Variants in CLCA4 observed in about 807,000 individuals in gnomAD.
CLCA4 encodes calcium-activated chloride channel regulator 4.
CLCA4 carries 69 observed loss-of-function variants against 78.9 expected under a neutral mutation model. That is an observed-to-expected ratio of 0.87 (90% CI 0.72 to 1.07). The LOEUF is 1.07. Ranked by LOEUF, CLCA4 falls within the 50% of genes least tolerant of loss-of-function variation. The probability of loss-of-function intolerance (pLI) is 0.00; values close to 1 mark genes in which losing one functional copy is unlikely to be tolerated. For synonymous variants in CLCA4, 362 were observed against 375.8 expected (o/e 0.96, Z 0.42); for missense variants, 1,133 against 1,095.8 (o/e 1.03, Z -0.48).
intron 1 of CLCA4, chr1:86,552,914 G>C: frequency 1.5e-6 from 1 of 670,060 alleles, no homozygotes; most frequent in Admixed American, 2.2e-5. Context: ...TCTCCCAGAC[G>C]CTCCTCCCTC....
At position 86,565,784 on chromosome 1, in the gene CLCA4, A is replaced by G. The variant is rs1417402928; in HGVS notation, c.736-18A>G. On this transcript the variant is annotated intron_variant, in intron 5 of 13. Coordinates refer to ENST00000370563, the MANE Select transcript of CLCA4 (RefSeq NM_012128.4). ...GCATGGTATATTAAAATTATTTTTT[A>G]TTTTATTAACCTTTTAGGTTGTTGA... 1.4e-6 allele frequency: 2 copies of G among 1,384,180 alleles called. No individual in the cohort carries two copies. Among genetic ancestry groups the G allele is most frequent in the African/African-American group, 3.0e-5 (2 of 67,454 alleles). The allele number at this position is 1,384,180 out of a possible 1,614,324, so 85.7% of individuals were successfully genotyped here.
At chr1:86,564,117 A>T (rs2101802729) in intron 4 of CLCA4, among the ~76,000 whole-genome samples, 1 of 152,236 alleles carries the variant, frequency 6.6e-6, no homozygotes, top group South Asian at 2.1e-4. Context: ...AGTAGTGCTA[A>T]ATGTGGACTG....
rs1214411782 is a variant in CLCA4 at position 86,574,685 on chromosome 1, C to T, written c.1613C>T (p.Thr538Ile). Residue 538 changes from threonine to isoleucine, a missense_variant, in exon 10 of 14, where the codon ACA (threonine) becomes ATA (isoleucine). Coordinates refer to ENST00000370563, the MANE Select transcript of CLCA4 (RefSeq NM_012128.4). ...ATTTCTCTCTGGGATCCCAGTGGAA[C>T]AATAATGGAAAATTTCACAGTGGAT... ...PSISLWDPSG[T>I]IMENFTVDAT... is the part of the protein sequence containing the mutation. 1 of 1,613,218 alleles carries T rather than the reference C, an allele frequency of 6.2e-7. No individual in the cohort carries two copies. The highest frequency in any genetic ancestry group is 1.3e-5 in the African/African-American group (1 of 74,942).
At position 86,547,247 on chromosome 1, in the gene CLCA4, C is replaced by A; in HGVS notation, c.128C>A (p.Pro43Gln). ...GTCATTGTTATAGATCCTAGTGTGC[C>A]AGAAGATGAAAAAATAATTGAACAA... ...DIVIVIDPSV[P>Q]EDEKIIEQIE... Residue 43 changes from proline (P) to glutamine (Q), a missense_variant, in exon 1 of 14, where the codon CCA (proline) becomes CAA (glutamine). Transcript: ENST00000370563. 1 of 1,591,434 alleles carries A rather than the reference C, an allele frequency of 6.3e-7. No homozygotes were observed. The highest frequency in any genetic ancestry group is 8.5e-7 in the Non-Finnish European group (1 of 1,172,242).
intron 1 of CLCA4, chr1:86,552,920 C>A: frequency 1.5e-6 from 1 of 666,730 alleles, no homozygotes; most frequent in South Asian, 1.7e-5. Flanking sequence ...AGACGCTCCT[C>A]CCTCTGCGGG....
At chr1:86,559,872 C>T in intron 1 of CLCA4, 60 bp from the exon 2 acceptor site, 1 of 1,359,028 alleles carries the variant, frequency 7.4e-7, no homozygotes, top group Non-Finnish European at 1.0e-6. Context: ...GTCACAAAAC[C>T]CTGCTAATTT....
At chr1:86,553,222 A>G (rs1649717998) in intron 1 of CLCA4, 3 of 1,165,936 alleles carry the variant, frequency 2.6e-6, no homozygotes, top group Non-Finnish European at 3.9e-6. Context: ...TTCACCAGGG[A>G]CATGTCCAAG....
intron 1 of CLCA4, chr1:86,552,915 C>T: frequency 1.5e-6 from 1 of 669,756 alleles, no homozygotes. Flanking sequence ...CTCCCAGACG[C>T]TCCTCCCTCT....
Position 86,567,315 on chromosome 1 carries a change from A to G in CLCA4, c.955-109A>G, listed in dbSNP as rs569662608. 4.4e-6 allele frequency: 4 copies of G among 914,258 alleles called. No individual in the cohort carries two copies. In the South Asian group the frequency reaches 5.3e-5, roughly 12 times the overall value. The allele number at this position is 914,258 out of a possible 1,614,324, so 56.6% of individuals were successfully genotyped here. On this transcript the variant is annotated intron_variant, in intron 6 of 13. Transcript: ENST00000370563. ...ATTGCTTCCTTTAACAACATCAATT[A>G]CCATTCATAGAAAATGTTACCAATA... is the stretch of plus-strand genomic sequence containing the variant.
Position 86,571,253 on chromosome 1 carries a change from A to G in CLCA4, c.1359A>G (p.Thr453=), listed in dbSNP as rs1218921125. ...CAGTAATAGAGATGAGCAAGATAAC[A>G]GGTAAAACACGATCCATTTATTCCA... ...DEAVIEMSKI[T]GGSHFYVSDE... is the part of the protein sequence containing the mutation. Residue 453 remains threonine, a splice_region_variant and synonymous_variant, in exon 8 of 14, where the codon ACA becomes ACG. Coordinates refer to ENST00000370563, the MANE Select transcript of CLCA4 (RefSeq NM_012128.4). 6.2e-7 allele frequency: 1 copy of G among 1,610,316 alleles called. No homozygotes were observed. The highest frequency in any genetic ancestry group is 8.5e-7 in the Non-Finnish European group (1 of 1,177,490).
intron 1 of CLCA4, chr1:86,552,576 T>A (rs1005220955): frequency 5.2e-6 from 3 of 580,850 alleles, no homozygotes; most frequent in African/African-American, 3.8e-5. Context: ...AGTGCTCACG[T>A]GTCCACGCGT....
intron 11 of CLCA4, 115 bp downstream of exon 11, chr1:86,575,714 G>A: frequency 1.2e-6 from 1 of 856,528 alleles, no homozygotes; most frequent in Non-Finnish European, 1.9e-6. Flanking sequence ...GATTAAGGAG[G>A]AACAGCAGGA....
chr1:86,550,134 C>A (rs114268394), intron 1 of CLCA4, among the ~76,000 whole-genome samples: 200 of 152,286 alleles, frequency 1.3e-3, no homozygotes, highest in African/African-American at 4.4e-3. Flanking sequence ...AATTACCCAG[C>A]AGAAGGTGAT....
intron 4 of CLCA4, among the ~76,000 whole-genome samples, chr1:86,564,301 C>G (rs1449863889): frequency 2.0e-5 from 3 of 152,124 alleles, no homozygotes; most frequent in Non-Finnish European, 4.4e-5. Flanking sequence ...TTGGTGCTAT[C>G]ACCTCATCAA....
At chr1:86,565,495 C>T in intron 5 of CLCA4, 44 bp downstream of exon 5, 1 of 1,406,302 alleles carries the variant, frequency 7.1e-7, no homozygotes, top group Non-Finnish European at 9.8e-7. Context: ...AATCAAATGA[C>T]ATATTGTCAT....
At chr1:86,548,466 A>C (rs1176786728) in intron 1 of CLCA4, among the ~76,000 whole-genome samples, 8 of 152,020 alleles carry the variant, frequency 5.3e-5, no homozygotes, top group Admixed American at 5.2e-4. Context: ...GCAGATCATG[A>C]GGTCAGGATT....
At position 86,579,962 on chromosome 1, in the gene CLCA4, A is replaced by G. The variant is rs763609491; in HGVS notation, c.2377A>G (p.Ile793Val). Residue 793 changes from isoleucine (I) to valine (V), a missense_variant, in exon 14 of 14, where the codon ATA becomes GTA. Transcript: ENST00000370563. ...VGKVQRYIIRISASILDLRDS... is the reference protein window; with the variant it reads ...VGKVQRYIIRVSASILDLRDS... ...CTCAGTTCAACGTTATATCATAAGA[A>G]TAAGTGCAAGTATTCTTGATCTAAG... 3.1e-6 allele frequency: 5 copies of G among 1,592,358 alleles called. No homozygotes were observed. The highest frequency in any genetic ancestry group is 4.3e-6 in the Non-Finnish European group (5 of 1,168,736).
intron 1 of CLCA4, among the ~76,000 whole-genome samples, chr1:86,549,101 T>C (rs947457213): frequency 2.5e-4 from 38 of 152,094 alleles, no homozygotes; most frequent in African/African-American, 9.2e-4. Flanking sequence ...ATGGTGGTAG[T>C]AGGTTGCTGT....
In CLCA4 at chr1:86,552,764, C is replaced by A. The variant is rs540788972; in HGVS notation, c.159+5486C>A. 9.2e-5 allele frequency: 131 copies of A among 1,421,100 alleles called. No homozygotes were observed. The African/African-American group carries it at 1.6e-3, about 17-fold the overall frequency. 88.0% of individuals were successfully genotyped at this position (1,421,100 alleles called of 1,614,324 possible). A position where few individuals can be genotyped will look rare whatever the true frequency, so the allele number is the denominator to read the frequency against. ...GGCACCCCCATCATGCCTGTCAGTA[C>A]TGTGTCCAGGTTGTAGTAGGGGCTG... is the stretch of plus-strand genomic sequence containing the variant. On this transcript the variant is annotated intron_variant, in intron 1 of 13. Coordinates refer to ENST00000370563, the MANE Select transcript of CLCA4 (RefSeq NM_012128.4).
Sources: allele counts gnomAD v4.1 joint callset (sites outside exome capture counted in the v4.1 genomes callset), GRCh38; gene constraint gnomAD v4.1.1; transcripts MANE v1.5; gene names NCBI Gene and HGNC (gene_info 2026-07-23, HGNC 2026-07-21).